BTBD9: variants seen among roughly 807,000 people sequenced by gnomAD.
The protein encoded by BTBD9 is BTB domain containing 9.
Under a neutral mutation model 64.3 loss-of-function variants are expected in BTBD9, and 49 were observed. The ratio of observed to expected loss-of-function variants is 0.76; its 90% CI spans 0.61 to 0.97. The LOEUF (loss-of-function observed/expected upper bound fraction) is 0.97, where lower values mean the gene tolerates loss of function less well. BTBD9 is among the 50% of genes least tolerant of loss of function. BTBD9 has a pLI of 0.00. For synonymous variants in BTBD9, 260 were observed against 274.7 expected (o/e 0.95, Z 0.53); for missense variants, 598 against 762.1 (o/e 0.78, Z 2.53).
intron 6 of BTBD9, among the ~76,000 whole-genome samples, chr6:38,444,456 T>C (rs1562196220): frequency 6.6e-6 from 1 of 152,202 alleles, no homozygotes; most frequent in Non-Finnish European, 1.5e-5. Context: ...TCTTATAGCA[T>C]ATAGAATAAT....
At chr6:38,392,910 T>C (rs908259274) in intron 6 of BTBD9, among the ~76,000 whole-genome samples, 10 of 149,784 alleles carry the variant, frequency 6.7e-5, no homozygotes, top group Admixed American at 5.3e-4. Flanking sequence ...AGTCTTGTTC[T>C]ATCGCTCAGG....
At chr6:38,346,372 T>G (rs1259354317) in intron 6 of BTBD9, among the ~76,000 whole-genome samples, 1 of 152,114 alleles carries the variant, frequency 6.6e-6, no homozygotes, top group Non-Finnish European at 1.5e-5. Flanking sequence ...GCATTCCCTG[T>G]GCACCTCATT....
At chr6:38,197,597 A>C (rs1374953886) in intron 9 of BTBD9, among the ~76,000 whole-genome samples, 2 of 152,234 alleles carry the variant, frequency 1.3e-5, no homozygotes, top group African/African-American at 2.4e-5. Flanking sequence ...AGTAGGGGTG[A>C]TAACAGTACT....
chr6:38,239,258 G>A (rs9470832), intron 9 of BTBD9, among the ~76,000 whole-genome samples: 15,502 of 151,766 alleles, frequency 0.1, 1,182 homozygotes, highest in East Asian at 0.45. Context: ...TGGCCAACAT[G>A]GTGAAACCCT....
At chr6:38,292,199 G>A (rs1761989767) in intron 7 of BTBD9, among the ~76,000 whole-genome samples, 1 of 151,766 alleles carries the variant, frequency 6.6e-6, no homozygotes, top group Non-Finnish European at 1.5e-5. Context: ...CCTGACCTCA[G>A]GTGATCCACC....
chr6:38,329,144 T>C (rs1763574739), intron 7 of BTBD9, among the ~76,000 whole-genome samples: 1 of 152,056 alleles, frequency 6.6e-6, no homozygotes, highest in South Asian at 2.1e-4. Flanking sequence ...GAGTGTGCCA[T>C]AATTTATTTT....
intron 8 of BTBD9, among the ~76,000 whole-genome samples, chr6:38,270,335 C>A (rs935048943): frequency 3.3e-5 from 5 of 152,074 alleles, no homozygotes; most frequent in Non-Finnish European, 5.9e-5. Context: ...GCTTACCCCC[C>A]ACCCCCCACT....
At chr6:38,307,466 C>T (rs1582203349) in intron 7 of BTBD9, among the ~76,000 whole-genome samples, 1 of 152,286 alleles carries the variant, frequency 6.6e-6, no homozygotes, top group East Asian at 1.9e-4. Context: ...CAAAGTTTCC[C>T]CCACCTGCTT....
At chr6:38,270,499 C>T (rs1255441532) in intron 8 of BTBD9, among the ~76,000 whole-genome samples, 1 of 152,164 alleles carries the variant, frequency 6.6e-6, no homozygotes, top group Non-Finnish European at 1.5e-5. Flanking sequence ...CCCCAAGAGC[C>T]AGCATTGATA....
intron 7 of BTBD9, among the ~76,000 whole-genome samples, chr6:38,292,479 C>A (rs1447899135): frequency 6.6e-6 from 1 of 152,116 alleles, no homozygotes; most frequent in Non-Finnish European, 1.5e-5. Flanking sequence ...CTATTAATTA[C>A]TGCCTCAATT....
intron 6 of BTBD9, among the ~76,000 whole-genome samples, chr6:38,523,824 G>T (rs1773372559): frequency 6.6e-6 from 1 of 152,148 alleles, no homozygotes; most frequent in Non-Finnish European, 1.5e-5. Context: ...GGGAAACAGA[G>T]GCACAGAAAA....
chr6:38,341,959 T>G (rs553685919), intron 7 of BTBD9, among the ~76,000 whole-genome samples: 1 of 152,140 alleles, frequency 6.6e-6, no homozygotes, highest in Non-Finnish European at 1.5e-5. Flanking sequence ...TCTGTGCAAG[T>G]GAAGCTGCAT....
chr6:38,605,401 A>G (rs1384481159), intron 1 of BTBD9, among the ~76,000 whole-genome samples: 2 of 152,130 alleles, frequency 1.3e-5, no homozygotes, highest in African/African-American at 2.4e-5. Context: ...CATGATCTAC[A>G]TGTCAAAAAC....
chr6:38,365,862 T>A (rs1349111021), intron 6 of BTBD9, among the ~76,000 whole-genome samples: 1 of 152,052 alleles, frequency 6.6e-6, no homozygotes, highest in African/African-American at 2.4e-5. Context: ...TGAAAATAAT[T>A]ATGGAAAAAT....
chr6:38,623,781 A>G (rs1191121586), intron 1 of BTBD9, among the ~76,000 whole-genome samples: 2 of 152,136 alleles, frequency 1.3e-5, no homozygotes, highest in Non-Finnish European at 2.9e-5. Context: ...CTCCTTGTCA[A>G]ATTTGTTTCC....
intron 8 of BTBD9, among the ~76,000 whole-genome samples, chr6:38,264,736 G>C (rs1230638752): frequency 6.6e-6 from 1 of 152,206 alleles, no homozygotes. Flanking sequence ...AGAGCTGCTG[G>C]AGGACGCTGA....
At chr6:38,569,516 C>T (rs771602228) in intron 6 of BTBD9, among the ~76,000 whole-genome samples, 13 of 152,072 alleles carry the variant, frequency 8.5e-5, no homozygotes, top group Non-Finnish European at 1.8e-4. Flanking sequence ...CAGGCAATGG[C>T]TATTTGTGGT....
At chr6:38,360,719 G>A (rs1764918814) in intron 6 of BTBD9, among the ~76,000 whole-genome samples, 1 of 152,130 alleles carries the variant, frequency 6.6e-6, no homozygotes, top group African/African-American at 2.4e-5. Flanking sequence ...ACCCTAGGAA[G>A]ACAGGGGAGC....
intron 6 of BTBD9, among the ~76,000 whole-genome samples, chr6:38,346,538 CCCACTGGTTAAG>C (rs1562055606): frequency 6.6e-6 from 1 of 152,060 alleles, no homozygotes; most frequent in Non-Finnish European, 1.5e-5. Context: ...TGTACCAGAG[CCCACTGGTTAAG>C]CAGGAATTTG....
Sources: gnomAD v4.1 joint callset for allele counts (sites outside exome capture counted in the v4.1 genomes callset) on GRCh38, gnomAD v4.1.1 for gene constraint, MANE v1.5 for transcripts, NCBI Gene and HGNC (gene_info 2026-07-23, HGNC 2026-07-21) for gene names.